The following MGST1 variants were observed in gnomAD, a reference collection of about 807,000 sequenced individuals.
MGST1 encodes the protein microsomal glutathione S-transferase 1.
In MGST1, 5 loss-of-function variants were observed where a neutral mutation model predicts 8.9. That is an observed-to-expected ratio of 0.56 (90% CI 0.29 to 1.19). The LOEUF (loss-of-function observed/expected upper bound fraction) is 1.19, where lower values mean the gene tolerates loss of function less well. Ranked by LOEUF, MGST1 falls within the 50% of genes most tolerant of loss-of-function variation. The probability of loss-of-function intolerance (pLI) is 0.08; values close to 1 mark genes in which losing one functional copy is unlikely to be tolerated. For missense variants in MGST1, 182 were observed against 187.4 expected (o/e 0.97, Z 0.17); for synonymous variants, 54 against 67.8 (o/e 0.80, Z 1.00).
intron 4 of MGST1, among the ~76,000 whole-genome samples, chr12:16,578,740 C>T (rs1329791106): frequency 1.3e-5 from 2 of 151,824 alleles, no homozygotes; most frequent in East Asian, 3.9e-4. Flanking sequence ...ATTCCTTGAA[C>T]CTGGGAGGCG....
chr12:16,409,556 G>A (rs1000505113), intron 1 of MGST1, among the ~76,000 whole-genome samples: 1 of 152,090 alleles, frequency 6.6e-6, no homozygotes, highest in Non-Finnish European at 1.5e-5. Context: ...AAGTATAAAT[G>A]AATCCTCTCT....
chr12:16,454,056 A>G (rs1269547841), intron 4 of MGST1, among the ~76,000 whole-genome samples: 1 of 151,948 alleles, frequency 6.6e-6, no homozygotes, highest in African/African-American at 2.4e-5. Flanking sequence ...GGAACTTTAG[A>G]AACCTATACG....
At chr12:16,591,164 C>T (rs889880907), downstream of MGST1, among the ~76,000 whole-genome samples, 3 of 152,024 alleles carry the variant, frequency 2.0e-5, no homozygotes, top group African/African-American at 7.2e-5. This position sits in a 1 kb window ranked among gnomAD's most constrained non-coding sequence, Gnocchi z 4.1. Context: ...TACACAGTGA[C>T]TACCCCTTAT....
chr12:16,505,339 G>C (rs541289297), intron 4 of MGST1, among the ~76,000 whole-genome samples: 2 of 152,226 alleles, frequency 1.3e-5, no homozygotes, highest in South Asian at 4.1e-4. Flanking sequence ...TAGACAACCT[G>C]CTCCAGAGCT....
intron 1 of MGST1, among the ~76,000 whole-genome samples, chr12:16,386,211 G>A (rs1353989388): frequency 6.6e-6 from 1 of 152,136 alleles, no homozygotes; most frequent in South Asian, 2.1e-4. Flanking sequence ...GGAGAAGATC[G>A]GTGATTTCCC....
rs567404664 is a variant in MGST1 at position 16,413,006 on chromosome 12, A to G, written n.779-24382A>G. Among the ~76,000 whole-genome samples, 1 of 152,308 alleles carries G rather than the reference A, an allele frequency of 6.6e-6. No homozygotes were observed. Among genetic ancestry groups the G allele is most frequent in the South Asian group, 2.1e-4 (1 of 4,826 alleles). ...CAGAACATAGATAATATGTCATAAT[A>G]ATAAGCCAGAAAGAGAGTAGGGAAC... On this transcript the variant is annotated intron_variant and non_coding_transcript_variant, in intron 1 of 1. Transcript: ENST00000359720. This position sits in a 1 kb window ranked among gnomAD's most constrained non-coding sequence, Gnocchi z 4.0.
In MGST1 at chr12:16,393,451, A is replaced by G. The variant is rs189027173; in HGVS notation, n.778+9847A>G. 1.4e-4 allele frequency among the ~76,000 whole-genome samples: 21 copies of G among 152,362 alleles called. No individual in the cohort carries two copies. The East Asian group carries it at 4.0e-3, about 29-fold the overall frequency. ...AAACCTGCAACGAGAGGCTGCTCAC[A>G]CAACAGCAGTGAGTCTGGGATCACT... On this transcript the variant is annotated intron_variant and non_coding_transcript_variant, in intron 1 of 1. Transcript: ENST00000359720.
intron 4 of MGST1, among the ~76,000 whole-genome samples, chr12:16,495,045 A>G (rs940369277): frequency 3.9e-5 from 6 of 152,182 alleles, no homozygotes; most frequent in Non-Finnish European, 8.8e-5. Context: ...GTTAGGCAAT[A>G]TACTTTTTGT....
downstream of MGST1, among the ~76,000 whole-genome samples, chr12:16,590,435 T>G (rs1208956628): frequency 6.6e-6 from 1 of 152,072 alleles, no homozygotes; most frequent in Non-Finnish European, 1.5e-5. Context: ...ATATATTATT[T>G]TACATGTTTT....
At chr12:16,387,671 C>T (rs1161987301) in intron 1 of MGST1, among the ~76,000 whole-genome samples, 6 of 152,068 alleles carry the variant, frequency 3.9e-5, no homozygotes, top group East Asian at 1.9e-4. Context: ...GGACTACAGG[C>T]GCCCACCACC....
rs1941857381 is a variant in MGST1, at chr12:16,548,153, G to A, written n.483-41375G>A. On this transcript the variant is annotated intron_variant and non_coding_transcript_variant, in intron 4 of 4. Transcript: ENST00000538857. The surrounding 1 kb of genome is among the most constrained non-coding windows in gnomAD (Gnocchi z 4.2). The stretch of plus-strand genomic sequence containing the variant: ...CCCAGCAATTGCTACCTTCATTTTT[G>A]AGAGTTTTATTTTCCCCATAAAAAT... 1.3e-5 allele frequency among the ~76,000 whole-genome samples: 2 copies of A among 152,104 alleles called. No homozygotes were observed. The highest frequency in any genetic ancestry group is 4.8e-5 in the African/African-American group (2 of 41,426).
At chr12:16,357,251 T>C (rs1458334543) in intron 2 of MGST1, among the ~76,000 whole-genome samples, 1 of 152,122 alleles carries the variant, frequency 6.6e-6, no homozygotes, top group African/African-American at 2.4e-5. Context: ...CCATGTTATT[T>C]CTTGGTTTGT....
chr12:16,447,397 T>G (rs1267022512), intron 4 of MGST1, among the ~76,000 whole-genome samples: 1 of 151,864 alleles, frequency 6.6e-6, no homozygotes, highest in East Asian at 1.9e-4. Context: ...ATTTAGGAGA[T>G]GAGATGAGGG....
intron 1 of MGST1, among the ~76,000 whole-genome samples, chr12:16,417,082 C>G (rs1234098431): frequency 4.6e-5 from 7 of 152,138 alleles, no homozygotes; most frequent in Non-Finnish European, 7.4e-5. Flanking sequence ...AGGTTCTCTA[C>G]TGTTGTGTTA....
intron 4 of MGST1, among the ~76,000 whole-genome samples, chr12:16,504,207 A>G (rs972206794): frequency 4.3e-5 from 6 of 141,036 alleles, no homozygotes; most frequent in African/African-American, 1.2e-4. Flanking sequence ...CAACTGGCCC[A>G]GCCTAAATGT....
At chr12:16,486,547 C>T (rs1941399925) in intron 4 of MGST1, among the ~76,000 whole-genome samples, 1 of 152,118 alleles carries the variant, frequency 6.6e-6, no homozygotes, top group East Asian at 1.9e-4. Flanking sequence ...AATAAATACA[C>T]TTATTACAGA....
chr12:16,441,944 T>C (rs2216205), downstream of MGST1, among the ~76,000 whole-genome samples: 101,220 of 151,632 alleles, frequency 0.67, 34,252 homozygotes, highest in East Asian at 0.98. Flanking sequence ...TGCATCTCCG[T>C]CAGCAATGCT....
At chr12:16,408,158 G>A (rs150598515) in intron 1 of MGST1, among the ~76,000 whole-genome samples, 2,576 of 151,614 alleles carry the variant, frequency 0.017, 80 homozygotes, top group African/African-American at 0.059. Flanking sequence ...GGAGCTAAAT[G>A]ATGAGGATGC....
chr12:16,359,497 G>T (rs1300069217), intron 3 of MGST1, among the ~76,000 whole-genome samples: 1 of 152,120 alleles, frequency 6.6e-6, no homozygotes, highest in African/African-American at 2.4e-5. Flanking sequence ...TGAGTCTTGA[G>T]AATGGGTTGT....
Sources: allele counts gnomAD v4.1 joint callset (sites outside exome capture counted in the v4.1 genomes callset), GRCh38; gene constraint gnomAD v4.1.1; non-coding constraint Gnocchi (gnomAD v3.1); transcripts MANE v1.5; gene names NCBI Gene and HGNC (gene_info 2026-07-23, HGNC 2026-07-21).